The following MED15 variants were observed in gnomAD, a reference collection of about 807,000 sequenced individuals.
MED15 encodes mediator complex subunit 15, also known as mediator of RNA polymerase II transcription subunit 15.
Under a neutral mutation model 118.7 loss-of-function variants are expected in MED15, and 41 were observed. The observed-to-expected ratio is 0.35, with a 90% CI of 0.27 to 0.45. The LOEUF (loss-of-function observed/expected upper bound fraction) is 0.45. Ranked by LOEUF, MED15 falls within the 20% of genes least tolerant of loss-of-function variation. MED15 has a pLI of 1.00. For synonymous variants in MED15, 436 were observed against 413.9 expected, an observed-to-expected ratio of 1.05 and a Z score of -0.65; for missense variants, 740 against 1,025.5, an observed-to-expected ratio of 0.72 and a Z score of 3.80.
chr22:20,570,755 T>C (rs1174425766), intron 8 of MED15, among the ~76,000 whole-genome samples: 2 of 108,542 alleles, frequency 1.8e-5, no homozygotes, highest in South Asian at 3.3e-4. Flanking sequence ...TCTTTTTTTT[T>C]TTTTTTTTTT....
intron 5 of MED15, among the ~76,000 whole-genome samples, chr22:20,562,142 CAG>C (rs2056266859): frequency 6.6e-6 from 1 of 151,840 alleles, no homozygotes; most frequent in Admixed American, 6.6e-5. Flanking sequence ...GCCTGGGTGA[CAG>C]AGCAAAATCC....
chr22:20,570,524 TGGG>T (rs2056607958), intron 8 of MED15, among the ~76,000 whole-genome samples: 1 of 151,298 alleles, frequency 6.6e-6, no homozygotes, highest in Non-Finnish European at 1.5e-5. Flanking sequence ...CCCAAGTAGC[TGGG>T]ACTACAGTTG....
intron 1 of MED15, among the ~76,000 whole-genome samples, chr22:20,527,526 C>T (rs140405997): frequency 7.9e-5 from 12 of 151,968 alleles, no homozygotes; most frequent in African/African-American, 2.4e-4. Context: ...ACTATGGCCT[C>T]GAACTCCTGG....
chr22:20,518,172 T>A (rs2054320903), intron 1 of MED15, among the ~76,000 whole-genome samples: 1 of 147,122 alleles, frequency 6.8e-6, no homozygotes, highest in Non-Finnish European at 1.5e-5. Flanking sequence ...CAGATGTCTT[T>A]AACTGGTATG....
At chr22:20,572,824 C>T (rs1469159936) in intron 8 of MED15, among the ~76,000 whole-genome samples, 1 of 152,158 alleles carries the variant, frequency 6.6e-6, no homozygotes, top group Non-Finnish European at 1.5e-5. Context: ...ACTCGGGAGG[C>T]CGAGTTGGGA....
chr22:20,548,461 G>A (rs1457166182), intron 2 of MED15, among the ~76,000 whole-genome samples: 2 of 152,072 alleles, frequency 1.3e-5, no homozygotes, highest in African/African-American at 2.4e-5. Context: ...CAAGGTGCCC[G>A]ACTTGATTTG....
At position 20,538,143 on chromosome 22, in the gene MED15, C is replaced by T. The variant is rs187259463; in HGVS notation, c.156+939C>T. On this transcript the variant is annotated intron_variant, in intron 2 of 17. Transcript: ENST00000263205. ...TAATAAATAAAAAGAGGTGCAGCTT[C>T]CCTGTGTTGCCCAGGCTGGTTTCAA... Among the ~76,000 whole-genome samples the T allele has an allele frequency of 4.1e-3, 623 of 152,352 alleles. 2 individuals carry two copies. Among genetic ancestry groups the T allele is most frequent in the Middle Eastern group, 0.02 (6 of 294 alleles).
chr22:20,543,780 A>G (rs1169774196), intron 2 of MED15, among the ~76,000 whole-genome samples: 81 of 136,756 alleles, frequency 5.9e-4, no homozygotes, highest in Middle Eastern at 4.5e-3. Context: ...CTGGTCTTGA[A>G]CTCCTGACCT....
At chr22:20,583,280 T>G in intron 12 of MED15, 33 bp downstream of exon 12, 1 of 1,613,302 alleles carries the variant, frequency 6.2e-7, no homozygotes, top group Non-Finnish European at 8.5e-7. Flanking sequence ...GCCTGCACCC[T>G]GGGGACACCA....
chr22:20,585,327 A>C, intron 16 of MED15, 60 bp downstream of exon 16: 2 of 1,582,632 alleles, frequency 1.3e-6, no homozygotes, highest in Non-Finnish European at 1.7e-6. Flanking sequence ...CAGCCCCAGG[A>C]CTCTGCCATC....
intron 1 of MED15, among the ~76,000 whole-genome samples, chr22:20,519,390 G>C (rs2054367501): frequency 6.6e-6 from 1 of 151,774 alleles, no homozygotes; most frequent in Non-Finnish European, 1.5e-5. Flanking sequence ...CCTTGGAGAA[G>C]ATGCTTTACC....
intron 2 of MED15, among the ~76,000 whole-genome samples, chr22:20,547,265 C>G (rs1477241284): frequency 1.3e-5 from 2 of 152,070 alleles, no homozygotes; most frequent in African/African-American, 4.8e-5. Flanking sequence ...CTTTTTGTTT[C>G]ATTTTTTTAA....
At chr22:20,537,057 G>A in intron 1 of MED15, 60 bp from the exon 2 acceptor site, 1 of 1,506,976 alleles carries the variant, frequency 6.6e-7, no homozygotes. Flanking sequence ...TGTTGGCCAG[G>A]GCCCTGCAGC....
At position 20,585,011 on chromosome 22, in the gene MED15, A is replaced by G. The variant is rs200018668; in HGVS notation, c.1960A>G (p.Ile654Val). 1.2e-6 allele frequency: 2 copies of G among 1,613,908 alleles called. No homozygotes were observed. The highest frequency in any genetic ancestry group is 1.3e-5 in the African/African-American group (1 of 75,016). The change falls in exon 15 of 18, where the codon ATC becomes GTC. Residue 654 changes from isoleucine to valine, a missense_variant. Coordinates refer to ENST00000263205, the MANE Select transcript of MED15 (RefSeq NM_001003891.3). ...PAMTAIHGPP[I>V]TAPVVCTRKR... is the part of the protein sequence containing the mutation. ...CATGACCGCCATTCACGGCCCACCC[A>G]TCACGTATGTCCAGCTGGGCTGGGC... is the stretch of plus-strand genomic sequence containing the variant.
chr22:20,564,318 G>A (rs2056352405), intron 5 of MED15, 132 bp from the exon 6 acceptor site: 2 of 1,463,458 alleles, frequency 1.4e-6, no homozygotes. Context: ...TGTGGTAAAT[G>A]GAACGTTCAG....
At chr22:20,523,917 A>T in intron 1 of MED15, 8 of 855,480 alleles carry the variant, frequency 9.4e-6, no homozygotes, top group Non-Finnish European at 9.8e-6. Flanking sequence ...AGAGGCAAGA[A>T]AGCGTCATCA....
At position 20,586,431 on chromosome 22, in the gene MED15, G is replaced by T. The variant is rs973121321; in HGVS notation, c.2231-137G>T. The T allele has an allele frequency of 1.4e-5, 18 of 1,292,906 alleles. No homozygotes were observed. In the African/African-American group the frequency reaches 2.5e-4, roughly 18 times the overall value. The allele number at this position is 1,292,906 out of a possible 1,614,324, so 80.1% of individuals were successfully genotyped here. ...GCTCTGGGAGGAGAGCCCAAAGGCCGGGCAGCGTGCAGGACACATCACCTC... is the reference window on the plus strand; with the variant it reads ...GCTCTGGGAGGAGAGCCCAAAGGCCTGGCAGCGTGCAGGACACATCACCTC... On this transcript the variant is annotated intron_variant, in intron 17 of 17. Transcript: ENST00000263205.
chr22:20,536,123 G>T (rs187833441), intron 1 of MED15, among the ~76,000 whole-genome samples: 3 of 152,096 alleles, frequency 2.0e-5, no homozygotes, highest in Non-Finnish European at 4.4e-5. Flanking sequence ...TGATCCACCC[G>T]CCTCGGCCTC....
At chr22:20,559,066 G>A (rs2056129193) in intron 5 of MED15, among the ~76,000 whole-genome samples, 1 of 152,092 alleles carries the variant, frequency 6.6e-6, no homozygotes, top group Non-Finnish European at 1.5e-5. Flanking sequence ...TAAGGCAGGG[G>A]GATTGCTTGA....
Sources: allele counts gnomAD v4.1 joint callset (sites outside exome capture counted in the v4.1 genomes callset), GRCh38; gene constraint gnomAD v4.1.1; transcripts MANE v1.5; gene names NCBI Gene and HGNC (gene_info 2026-07-23, HGNC 2026-07-21).